RNF13: variants seen among roughly 807,000 people sequenced by gnomAD.
The protein encoded by RNF13 is E3 ubiquitin-protein ligase RNF13.
RNF13 carries 19 observed loss-of-function variants against 37.7 expected under a neutral mutation model. The observed-to-expected ratio is 0.50, with a 90% CI of 0.35 to 0.74. The LOEUF (loss-of-function observed/expected upper bound fraction) is 0.74. Among genes scored for constraint, RNF13 ranks in the 30% least tolerant of loss-of-function variants. The pLI is 0.01. For synonymous variants in RNF13, 144 were observed against 157.8 expected, an observed-to-expected ratio of 0.91 and a Z score of 0.65; for missense variants, 375 against 453.0, an observed-to-expected ratio of 0.83 and a Z score of 1.56.
At chr3:149,841,882 G>A (rs1025716047) in intron 1 of RNF13, among the ~76,000 whole-genome samples, 4 of 152,092 alleles carry the variant, frequency 2.6e-5, no homozygotes, top group African/African-American at 4.8e-5. Context: ...CACCTGCCTC[G>A]GCCTCCCAAA....
chr3:149,918,805 A>T (rs1415666229), intron 7 of RNF13, among the ~76,000 whole-genome samples: 1 of 151,696 alleles, frequency 6.6e-6, no homozygotes, highest in Non-Finnish European at 1.5e-5. Flanking sequence ...CTGGAATTAC[A>T]GGTGTGAGCC....
intron 1 of RNF13, among the ~76,000 whole-genome samples, chr3:149,835,633 T>TTGTGTGTGTG (rs3039646): frequency 1.9e-3 from 264 of 138,820 alleles, no homozygotes; most frequent in South Asian, 3.3e-3. Flanking sequence ...TAGTATTCCA[T>TTGTGTGTGTG]TGTGTGTGTG....
intron 1 of RNF13, among the ~76,000 whole-genome samples, chr3:149,838,894 C>T (rs1721913016): frequency 1.5e-5 from 2 of 135,532 alleles, no homozygotes; most frequent in South Asian, 5.3e-4. Flanking sequence ...TTATGCTCTG[C>T]TTCCCTTAAA....
At chr3:149,889,747 C>T (rs1440638516) in intron 4 of RNF13, among the ~76,000 whole-genome samples, 1 of 147,172 alleles carries the variant, frequency 6.8e-6, no homozygotes, top group Non-Finnish European at 1.5e-5. Flanking sequence ...CTCTGACTTC[C>T]GGGTTCAAGC....
chr3:149,846,179 C>A, intron 2 of RNF13, 39 bp downstream of exon 2: 1 of 1,325,318 alleles, frequency 7.5e-7, no homozygotes, highest in Admixed American at 1.9e-5. Flanking sequence ...AGAAACATCC[C>A]TTAAAGAAAA....
chr3:149,852,735 A>G (rs974348010), intron 3 of RNF13, 139 bp downstream of exon 3: 17 of 423,470 alleles, frequency 4.0e-5, no homozygotes, highest in Non-Finnish European at 6.8e-5. Context: ...AAAGGGTCAG[A>G]TTATTCAAAA....
At position 149,960,857 on chromosome 3, in the gene RNF13, AAG is replaced by A; in HGVS notation, c.901_902del (p.Glu301ArgfsTer3). ...TCAGACTCTGACACAGACAGTAGTC[AAG>A]AAGAAAATGAAGTGACAGAACATAC... On this transcript the variant is annotated frameshift_variant, in exon 10 of 10. Transcript: ENST00000392894. LOFTEE classifies it high-confidence loss of function. 6.2e-7 allele frequency: 1 copy of A among 1,614,224 alleles called. No individual in the cohort carries two copies. The highest frequency in any genetic ancestry group is 8.5e-7 in the Non-Finnish European group (1 of 1,180,040).
At chr3:149,934,027 G>A (rs1719440205) in intron 8 of RNF13, among the ~76,000 whole-genome samples, 1 of 152,090 alleles carries the variant, frequency 6.6e-6, no homozygotes, top group African/African-American at 2.4e-5. Flanking sequence ...TTCTTTGATG[G>A]GAGACTTTTA....
At chr3:149,939,559 T>G in intron 8 of RNF13, 1 of 594,198 alleles carries the variant, frequency 1.7e-6, no homozygotes, top group Non-Finnish European at 3.2e-6. Flanking sequence ...TACAGACATT[T>G]TCAAAGTTGC....
rs575442127 is a variant in RNF13, at chr3:149,851,591, A to C, written c.115-925A>C. On this transcript the variant is annotated intron_variant, in intron 2 of 9. Transcript: ENST00000392894. ...CTTTCTTCCTTTTTGTCTATCTTCA[A>C]ACCATCCTTTGTATCTATATGCAAA... 3.9e-5 allele frequency: 6 copies of C among 152,250 alleles called. No individual in the cohort carries two copies. The South Asian group carries it at 1.3e-3, about 32-fold the overall frequency. The allele number at this position is 152,250 out of a possible 1,614,324, so 9.4% of individuals were successfully genotyped here. A position where few individuals can be genotyped will look rare whatever the true frequency, so the allele number is the denominator to read the frequency against.
chr3:149,929,722 T>C (rs1480375914), intron 8 of RNF13, among the ~76,000 whole-genome samples: 1 of 152,140 alleles, frequency 6.6e-6, no homozygotes, highest in East Asian at 1.9e-4. Context: ...AGTCCCCTAC[T>C]ATATAGGTTC....
intron 6 of RNF13, among the ~76,000 whole-genome samples, chr3:149,910,127 A>G (rs1716838245): frequency 6.6e-6 from 1 of 152,052 alleles, no homozygotes; most frequent in South Asian, 2.1e-4. Context: ...GTCTCATGGA[A>G]AGGCTCTTAT....
chr3:149,829,311 G>T (rs140391447), intron 1 of RNF13, among the ~76,000 whole-genome samples: 1 of 152,040 alleles, frequency 6.6e-6, no homozygotes, highest in Non-Finnish European at 1.5e-5. Context: ...TGTTGGCCAG[G>T]CTGGTCTCGA....
chr3:149,947,846 T>C (rs1357620929), intron 8 of RNF13, among the ~76,000 whole-genome samples: 2 of 152,210 alleles, frequency 1.3e-5, no homozygotes, highest in Admixed American at 1.3e-4. Context: ...TAGTTTTTTT[T>C]CTTAAAGTCT....
chr3:149,885,061 A>AT (rs1401836542), intron 4 of RNF13, among the ~76,000 whole-genome samples: 1 of 151,958 alleles, frequency 6.6e-6, no homozygotes, highest in Non-Finnish European at 1.5e-5. Flanking sequence ...ACAGGATCTC[A>AT]TTTTTTCTAA....
chr3:149,866,383 C>T (rs115815173), intron 3 of RNF13, among the ~76,000 whole-genome samples: 1,782 of 152,226 alleles, frequency 0.012, 36 homozygotes, highest in Admixed American at 0.03. Context: ...CTGAAGTTGC[C>T]GTGGCATTTG....
At chr3:149,960,508 C>T (rs1449549579) in intron 9 of RNF13, among the ~76,000 whole-genome samples, 1 of 151,922 alleles carries the variant, frequency 6.6e-6, no homozygotes, top group African/African-American at 2.4e-5. Context: ...AGGACAATGG[C>T]GTGAACCCAG....
intron 7 of RNF13, 73 bp downstream of exon 7, chr3:149,912,156 G>T: frequency 1.4e-6 from 1 of 731,838 alleles, no homozygotes; most frequent in Non-Finnish European, 2.4e-6. Context: ...TTGAGTGAGA[G>T]AATTTAAACA....
intron 8 of RNF13, among the ~76,000 whole-genome samples, chr3:149,938,699 T>A (rs1043337232): frequency 5.3e-5 from 8 of 152,110 alleles, no homozygotes; most frequent in African/African-American, 1.9e-4. Flanking sequence ...CTGAGTTTTA[T>A]TTCACATGTA....
Sources: allele counts gnomAD v4.1 joint callset (sites outside exome capture counted in the v4.1 genomes callset), GRCh38; gene constraint gnomAD v4.1.1; transcripts MANE v1.5; gene names NCBI Gene and HGNC (gene_info 2026-07-23, HGNC 2026-07-21).